The following SEPTIN10 variants were observed in gnomAD, a reference collection of about 807,000 sequenced individuals.
SEPTIN10 encodes septin-10.
SEPTIN10 carries 66 observed loss-of-function variants against 54.8 expected under a neutral mutation model. The ratio of observed to expected loss-of-function variants is 1.21; its 90% confidence interval spans 0.99 to 1.48. The LOEUF (loss-of-function observed/expected upper bound fraction) is 1.48. Among genes scored for constraint, SEPTIN10 ranks in the 40% most tolerant of loss-of-function variants. The pLI is 0.00. For synonymous variants in SEPTIN10, 161 were observed against 181.0 expected (o/e 0.89, Z 0.89); for missense variants, 620 against 545.6 (o/e 1.14, Z -1.36).
chr2:109,555,122 C>T (rs1478427455), intron 8 of SEPTIN10, among the ~76,000 whole-genome samples: 1 of 152,154 alleles, frequency 6.6e-6, no homozygotes, highest in Non-Finnish European at 1.5e-5. Flanking sequence ...GTTCTTGTCA[C>T]CCTCTAGATT....
At position 109,553,034 on chromosome 2, in the gene SEPTIN10, T is replaced by A. The variant is rs117354297; in HGVS notation, c.1161+53A>T. 549 of 1,580,370 alleles carry A rather than the reference T, an allele frequency of 3.5e-4. 7 individuals are homozygous for A. The East Asian group carries it at 8.7e-3, about 25-fold the overall frequency. On this transcript the variant is annotated intron_variant, in intron 9 of 10. Coordinates refer to ENST00000397712, the MANE Select transcript of SEPTIN10 (RefSeq NM_144710.5). ...AAATTCTTGGAATAAATCCTCCAAA[T>A]TAATAGGACATCTAAAAAATAAATG... is the stretch of plus-strand genomic sequence containing the variant.
intron 2 of SEPTIN10, 103 bp from the exon 3 acceptor site, chr2:109,585,941 AT>A: frequency 1.3e-6 from 1 of 782,712 alleles, no homozygotes; most frequent in African/African-American, 1.8e-5. Flanking sequence ...ATAAATGAAA[AT>A]TTTTATAATC....
chr2:109,581,240 C>T (rs1691039992), intron 4 of SEPTIN10, among the ~76,000 whole-genome samples: 1 of 151,924 alleles, frequency 6.6e-6, no homozygotes, highest in African/African-American at 2.4e-5. Flanking sequence ...AGGAGTTCAA[C>T]ACCAGCCTGA....
chr2:109,546,368 G>GTC, intron 9 of SEPTIN10, 131 bp from the exon 10 acceptor site: 1 of 506,358 alleles, frequency 2.0e-6, no homozygotes, highest in Non-Finnish European at 3.3e-6. Context: ...TCTTTCTGAA[G>GTC]TCTCAGAAGT....
At chr2:109,577,598 T>A (rs183924531) in intron 4 of SEPTIN10, among the ~76,000 whole-genome samples, 8,088 of 133,282 alleles carry the variant, frequency 0.061, 646 homozygotes, top group East Asian at 0.26. Context: ...CCTCAAAATT[T>A]AAAAAAAAAA....
intron 4 of SEPTIN10, among the ~76,000 whole-genome samples, chr2:109,575,434 A>T (rs78662481): frequency 0.065 from 9,824 of 152,272 alleles, 752 homozygotes; most frequent in East Asian, 0.24. Flanking sequence ...ATTTTTATTT[A>T]ATTATAAACA....
intron 10 of SEPTIN10, 51 bp from the exon 11 acceptor site, chr2:109,544,375 TAAAAA>T: frequency 6.4e-7 from 1 of 1,551,122 alleles, no homozygotes; most frequent in Non-Finnish European, 8.6e-7. Context: ...AAAATTCAAG[TAAAAA>T]TTAGCAAACA....
chr2:109,568,243 C>T (rs1260575069), intron 5 of SEPTIN10, among the ~76,000 whole-genome samples: 2 of 152,080 alleles, frequency 1.3e-5, no homozygotes, highest in Non-Finnish European at 2.9e-5. Context: ...AACCACAGGG[C>T]CTGTGACGCC....
rs1680484058 is a variant in SEPTIN10, at chr2:109,543,749, A to C, written c.*560T>G. On this transcript the variant is annotated 3_prime_UTR_variant, in exon 11 of 11. Transcript: ENST00000397712. ...AGAAAAGATTTAGATTCATCACAGA[A>C]CAGCAACTTAAACATTTCTAACAAC... 1 of 165,806 alleles carries C rather than the reference A, an allele frequency of 6.0e-6. No individual in the cohort carries two copies. The highest frequency in any genetic ancestry group is 6.2e-5 in the Admixed American group (1 of 16,030). 10.3% of individuals were successfully genotyped at this position (165,806 alleles called of 1,614,324 possible). A position where few individuals can be genotyped will look rare whatever the true frequency, so the allele number is the denominator to read the frequency against.
intron 2 of SEPTIN10, among the ~76,000 whole-genome samples, chr2:109,588,336 G>C (rs528712323): frequency 5.9e-5 from 9 of 152,118 alleles, no homozygotes; most frequent in East Asian, 1.9e-4. Context: ...ATGTAAGAGA[G>C]GTTTTTTTTA....
chr2:109,599,820 T>C (rs974928208), intron 1 of SEPTIN10, among the ~76,000 whole-genome samples: 2 of 152,198 alleles, frequency 1.3e-5, no homozygotes, highest in African/African-American at 4.8e-5. Context: ...ATTTTAAAAT[T>C]ACTCCTCCTA....
intron 1 of SEPTIN10, among the ~76,000 whole-genome samples, chr2:109,602,041 T>C (rs1186783407): frequency 6.6e-6 from 1 of 152,128 alleles, no homozygotes; most frequent in Non-Finnish European, 1.5e-5. Flanking sequence ...AGGATTCAAG[T>C]TGTCTAACAG....
At chr2:109,549,410 T>C (rs1682247104) in intron 9 of SEPTIN10, among the ~76,000 whole-genome samples, 1 of 152,132 alleles carries the variant, frequency 6.6e-6, no homozygotes, top group Non-Finnish European at 1.5e-5. Flanking sequence ...GAGGGAAACA[T>C]TAAACAAGGG....
chr2:109,552,790 GA>G lies in SEPTIN10; in HGVS notation c.1161+296del, dbSNP rs370051565. 132 of 266,702 alleles carry G rather than the reference GA, an allele frequency of 4.9e-4. 1 individual carries two copies. In the East Asian group the frequency reaches 7.6e-3, roughly 15 times the overall value. 16.5% of individuals were successfully genotyped at this position (266,702 alleles called of 1,614,324 possible). ...CGTGGATTCAAGGCATGGATTTCAT[GA>G]AAGAAAAATGTGTGCACCCAAGAGG... On this transcript the variant is annotated intron_variant, in intron 9 of 10. Coordinates refer to ENST00000397712, the MANE Select transcript of SEPTIN10 (RefSeq NM_144710.5).
chr2:109,605,484 A>T (rs1373514009), intron 1 of SEPTIN10: 1 of 151,776 alleles, frequency 6.6e-6, no homozygotes, highest in Non-Finnish European at 1.5e-5. Flanking sequence ...AAATAATAAT[A>T]AATAAATAAA....
At chr2:109,591,971 C>T (rs1466225039) in intron 2 of SEPTIN10, among the ~76,000 whole-genome samples, 1 of 152,116 alleles carries the variant, frequency 6.6e-6, no homozygotes, top group Non-Finnish European at 1.5e-5. Flanking sequence ...TTTCTAGTTA[C>T]TCACCTCTTT....
chr2:109,595,265 G>A (rs777769213), intron 1 of SEPTIN10, among the ~76,000 whole-genome samples: 40 of 152,164 alleles, frequency 2.6e-4, no homozygotes, highest in African/African-American at 9.4e-4. Context: ...TTAAAAGCAC[G>A]CAAAAGCTCA....
chr2:109,612,527 C>T (rs1157193722), intron 1 of SEPTIN10, among the ~76,000 whole-genome samples: 2 of 152,114 alleles, frequency 1.3e-5, no homozygotes, highest in African/African-American at 2.4e-5. Context: ...CTACAATTAA[C>T]GCAAAATACA....
intron 8 of SEPTIN10, among the ~76,000 whole-genome samples, chr2:109,554,110 C>T (rs1294655284): frequency 2.0e-5 from 3 of 152,088 alleles, no homozygotes; most frequent in Non-Finnish European, 4.4e-5. Context: ...GCTATATATA[C>T]ATTTAAGAAA....
Sources: allele counts gnomAD v4.1 joint callset (sites outside exome capture counted in the v4.1 genomes callset), GRCh38; gene constraint gnomAD v4.1.1; transcripts MANE v1.5; gene names NCBI Gene and HGNC (gene_info 2026-07-23, HGNC 2026-07-21).